Variants in NRG3 observed in about 807,000 individuals in gnomAD.
NRG3 encodes the protein pro-neuregulin-3, membrane-bound isoform.
In NRG3, 31 loss-of-function variants were observed where a neutral mutation model predicts 66.9. That is an observed-to-expected ratio of 0.46 (90% confidence interval 0.35 to 0.63). The LOEUF (loss-of-function observed/expected upper bound fraction) is 0.63. NRG3 is among the 20% of genes least tolerant of loss of function. The pLI is 0.00. For synonymous variants in NRG3, 393 were observed against 359.4 expected (o/e 1.09, Z -1.06); for missense variants, 910 against 878.9 (o/e 1.04, Z -0.45).
At chr10:82,148,691 C>T (rs553181629) in intron 1 of NRG3, among the ~76,000 whole-genome samples, 9 of 152,112 alleles carry the variant, frequency 5.9e-5, no homozygotes, top group Middle Eastern at 3.4e-3. Context: ...GTTCCTGGGT[C>T]GTATTGATGA....
At chr10:82,804,500 C>T (rs536907908) in intron 3 of NRG3, among the ~76,000 whole-genome samples, 1 of 151,958 alleles carries the variant, frequency 6.6e-6, no homozygotes, top group Non-Finnish European at 1.5e-5. Context: ...CACAGGGGGT[C>T]GAGGATAAAA....
chr10:82,144,764 A>C (rs1338267285), intron 1 of NRG3, among the ~76,000 whole-genome samples: 1 of 152,178 alleles, frequency 6.6e-6, no homozygotes, highest in Non-Finnish European at 1.5e-5. Flanking sequence ...GTGTGACTTC[A>C]AGCAAAACAG....
At chr10:82,392,126 A>T (rs1343476304) in intron 2 of NRG3, among the ~76,000 whole-genome samples, 1 of 151,958 alleles carries the variant, frequency 6.6e-6, no homozygotes, top group Non-Finnish European at 1.5e-5. Context: ...ATCTACTGTT[A>T]TCACACTCTG....
chr10:82,758,543 C>T (rs970944526), intron 3 of NRG3, among the ~76,000 whole-genome samples: 1 of 151,992 alleles, frequency 6.6e-6, no homozygotes, highest in African/African-American at 2.4e-5. Flanking sequence ...GACTCAATTT[C>T]CCCTGTTTAT....
intron 1 of NRG3, among the ~76,000 whole-genome samples, chr10:82,198,227 A>G (rs1227904538): frequency 6.6e-6 from 1 of 152,202 alleles, no homozygotes; most frequent in Non-Finnish European, 1.5e-5. Flanking sequence ...GGTTTTTCAG[A>G]TTCCAAACGG....
At chr10:81,936,341 C>A (rs562930556) in intron 1 of NRG3, among the ~76,000 whole-genome samples, 2 of 152,156 alleles carry the variant, frequency 1.3e-5, no homozygotes, top group Non-Finnish European at 2.9e-5. Flanking sequence ...GAGTTCTATT[C>A]CCAACAGTTG....
intron 1 of NRG3, among the ~76,000 whole-genome samples, chr10:82,279,406 C>A (rs910119159): frequency 6.6e-6 from 1 of 152,130 alleles, no homozygotes; most frequent in South Asian, 2.1e-4. Context: ...AAAAGCCCAT[C>A]AGATTGTTTT....
rs146052374 is a variant in NRG3, at chr10:82,263,641, C to T, written c.824-95098C>T. Reference sequence around the variant, plus strand: ...CCACACACACACACTCATATACACACTTACACCTGTTTTTCCAGGATTTAC... The same window carrying T: ...CCACACACACACACTCATATACACATTTACACCTGTTTTTCCAGGATTTAC... On this transcript the variant is annotated intron_variant, in intron 1 of 8. Coordinates refer to ENST00000372141, the MANE Select transcript of NRG3 (RefSeq NM_001010848.4). Among the ~76,000 whole-genome samples the T allele has an allele frequency of 4.1e-4, 63 of 152,208 alleles. 1 individual carries two copies. The highest frequency in any genetic ancestry group is 1.5e-3 in the African/African-American group (63 of 41,552).
At chr10:82,964,098 A>C (rs932616023) in intron 6 of NRG3, among the ~76,000 whole-genome samples, 1 of 152,234 alleles carries the variant, frequency 6.6e-6, no homozygotes, top group Non-Finnish European at 1.5e-5. Context: ...AGATTCATAC[A>C]TTCATTTATT....
At chr10:82,295,039 G>A (rs900651581) in intron 1 of NRG3, among the ~76,000 whole-genome samples, 8 of 151,868 alleles carry the variant, frequency 5.3e-5, no homozygotes, top group Admixed American at 3.3e-4. Flanking sequence ...TAAAATTTAA[G>A]GATGAGATTC....
At chr10:82,840,875 T>C (rs991811173) in intron 3 of NRG3, among the ~76,000 whole-genome samples, 3 of 152,116 alleles carry the variant, frequency 2.0e-5, no homozygotes, top group African/African-American at 7.2e-5. Flanking sequence ...AGTATTCTAA[T>C]TGCTGTGATG....
chr10:81,924,185 C>T (rs1043734518), intron 1 of NRG3, among the ~76,000 whole-genome samples: 7 of 152,084 alleles, frequency 4.6e-5, no homozygotes, highest in Admixed American at 2.0e-4. Context: ...GCACAGAACA[C>T]GTACACAGCT....
At chr10:81,934,101 C>T (rs1042468274) in intron 1 of NRG3, among the ~76,000 whole-genome samples, 1 of 152,190 alleles carries the variant, frequency 6.6e-6, no homozygotes, top group South Asian at 2.1e-4. Context: ...ATCCCCAATT[C>T]AGAAGTTATC....
intron 1 of NRG3, among the ~76,000 whole-genome samples, chr10:81,989,297 A>G (rs184654894): frequency 5.5e-4 from 84 of 152,194 alleles, no homozygotes; most frequent in Middle Eastern, 3.4e-3. Flanking sequence ...AAAGCAAAAG[A>G]GTTATCAGTC....
intron 2 of NRG3, among the ~76,000 whole-genome samples, chr10:82,390,882 G>C (rs1373362457): frequency 6.6e-6 from 1 of 152,144 alleles, no homozygotes; most frequent in Non-Finnish European, 1.5e-5. Flanking sequence ...TGCAATATGG[G>C]GACAGCTCTG....
At chr10:82,122,064 A>G (rs2068126632) in intron 1 of NRG3, among the ~76,000 whole-genome samples, 1 of 152,138 alleles carries the variant, frequency 6.6e-6, no homozygotes, top group Admixed American at 6.6e-5. Flanking sequence ...ACTGTGGTTC[A>G]GTCTCATCGG....
chr10:82,340,635 T>C (rs773334132), intron 1 of NRG3: 3 of 152,186 alleles, frequency 2.0e-5, no homozygotes, highest in Non-Finnish European at 2.9e-5. Flanking sequence ...CATGATGGAA[T>C]GAAAAGAAAA....
rs540086751 is a variant in NRG3, at chr10:81,996,290, TATAGTGTATCC to T, written c.823+120128_823+120138del. On this transcript the variant is annotated intron_variant, in intron 1 of 8. Coordinates refer to ENST00000372141, the MANE Select transcript of NRG3 (RefSeq NM_001010848.4). The stretch of plus-strand genomic sequence containing the variant: ...TGTTGCACTGTGCATGTCTGAAGTC[TATAGTGTATCC>T]CTTAGACTCTTGCCATTTAGCTGAA... Among the ~76,000 whole-genome samples the T allele has an allele frequency of 1.4e-4, 21 of 152,306 alleles. No individual in the cohort carries two copies. The East Asian group carries it at 4.1e-3, about 29-fold the overall frequency.
intron 1 of NRG3, among the ~76,000 whole-genome samples, chr10:81,896,880 A>G (rs1023639712): frequency 6.6e-5 from 10 of 152,138 alleles, no homozygotes; most frequent in African/African-American, 2.2e-4. Flanking sequence ...AGCTGCAATA[A>G]TGATGGAGAT....
Sources: gnomAD v4.1 joint callset for allele counts (sites outside exome capture counted in the v4.1 genomes callset) on GRCh38, gnomAD v4.1.1 for gene constraint, MANE v1.5 for transcripts, NCBI Gene and HGNC (gene_info 2026-07-23, HGNC 2026-07-21) for gene names.